COG5: variants seen among roughly 807,000 people sequenced by gnomAD.
COG5 encodes the protein conserved oligomeric Golgi complex subunit 5.
A neutral mutation model predicts 110.4 loss-of-function variants in COG5; 86 were observed. That is an observed-to-expected ratio of 0.78 (90% CI 0.65 to 0.93). The LOEUF is 0.93. Among genes scored for constraint, COG5 ranks in the 40% least tolerant of loss-of-function variants. The probability of loss-of-function intolerance (pLI) is 0.00; values close to 1 mark genes in which losing one functional copy is unlikely to be tolerated. For missense variants in COG5, 1,077 were observed against 987.0 expected (o/e 1.09, Z -1.22); for synonymous variants, 360 against 334.6 (o/e 1.08, Z -0.83).
chr7:107,430,569 T>C (rs1463294142), intron 6 of COG5, among the ~76,000 whole-genome samples: 3 of 152,234 alleles, frequency 2.0e-5, no homozygotes, highest in African/African-American at 2.4e-5. Context: ...CTATTCTTTT[T>C]AGAATTTGTT....
intron 6 of COG5, among the ~76,000 whole-genome samples, chr7:107,516,801 G>GCAA (rs1027531824): frequency 7.2e-5 from 11 of 152,152 alleles, no homozygotes; most frequent in South Asian, 2.1e-4. Context: ...CAAACAGAAA[G>GCAA]CAACAACAAC....
intron 6 of COG5, among the ~76,000 whole-genome samples, chr7:107,526,501 ATCT>A (rs1485054678): frequency 1.3e-5 from 2 of 152,356 alleles, no homozygotes; most frequent in East Asian, 1.9e-4. Context: ...AATTTTTAAA[ATCT>A]TCTAGGCATA....
intron 6 of COG5, among the ~76,000 whole-genome samples, chr7:107,486,986 A>T (rs1394857928): frequency 6.6e-6 from 1 of 152,188 alleles, no homozygotes; most frequent in Admixed American, 6.5e-5. Context: ...AGATAGATAA[A>T]AGTAAAATCA....
intron 6 of COG5, among the ~76,000 whole-genome samples, chr7:107,432,479 G>C (rs968970940): frequency 2.0e-5 from 3 of 152,050 alleles, no homozygotes; most frequent in Admixed American, 1.3e-4. Flanking sequence ...CATGAACTTA[G>C]GATACTGAAA....
intron 8 of COG5, among the ~76,000 whole-genome samples, chr7:107,371,419 A>G (rs951794662): frequency 3.3e-5 from 5 of 152,166 alleles, no homozygotes; most frequent in African/African-American, 1.2e-4. Flanking sequence ...GCAAAACTCC[A>G]TCTATATTTT....
At chr7:107,211,642 A>C (rs1277309121) in intron 19 of COG5, among the ~76,000 whole-genome samples, 1 of 152,254 alleles carries the variant, frequency 6.6e-6, no homozygotes, top group Non-Finnish European at 1.5e-5. Context: ...GACCATAATC[A>C]AATGTGGTAT....
At chr7:107,360,059 G>A (rs1264266620) in intron 10 of COG5, among the ~76,000 whole-genome samples, 2 of 152,148 alleles carry the variant, frequency 1.3e-5, no homozygotes, top group Non-Finnish European at 2.9e-5. Flanking sequence ...TGACCTGCCC[G>A]CAGGTATAAG....
At chr7:107,422,690 T>TAA (rs972014653) in intron 6 of COG5, among the ~76,000 whole-genome samples, 8 of 142,222 alleles carry the variant, frequency 5.6e-5, no homozygotes, top group African/African-American at 1.6e-4. Flanking sequence ...TAATGAAACT[T>TAA]AAAAAAAAAA....
chr7:107,414,863 G>T (rs112436976), intron 6 of COG5, among the ~76,000 whole-genome samples: 1 of 151,360 alleles, frequency 6.6e-6, no homozygotes, highest in Non-Finnish European at 1.5e-5. Context: ...GGGTAGCTGG[G>T]ACTACAAGTG....
At position 107,549,520 on chromosome 7, in the gene COG5, TGGCTGGGATTACA is replaced by T. The variant is rs1342439379; in HGVS notation, c.293-1201_293-1189del. 8.6e-5 allele frequency among the ~76,000 whole-genome samples: 13 copies of T among 151,780 alleles called. No individual in the cohort carries two copies. The South Asian group carries it at 1.3e-3, about 15-fold the overall frequency. On this transcript the variant is annotated intron_variant, in intron 3 of 21. Transcript: ENST00000297135. ...CATTCTCCAGCCTCAGCCTCCCGAG[TGGCTGGGATTACA>T]GGCGCCCACCACCACGCCCAGCTAA...
chr7:107,251,138 A>G (rs1221602381), intron 16 of COG5, among the ~76,000 whole-genome samples: 1 of 151,354 alleles, frequency 6.6e-6, no homozygotes, highest in Non-Finnish European at 1.5e-5. Context: ...CTAGCCAAAA[A>G]AAAAAAAAAA....
At chr7:107,268,679 G>A (rs1416916812) in intron 14 of COG5, among the ~76,000 whole-genome samples, 2 of 152,132 alleles carry the variant, frequency 1.3e-5, no homozygotes, top group East Asian at 3.9e-4. Flanking sequence ...GTCTTGTAAG[G>A]TGTATCATAA....
chr7:107,429,268 C>G (rs1446069193), intron 6 of COG5, among the ~76,000 whole-genome samples: 1 of 152,132 alleles, frequency 6.6e-6, no homozygotes, highest in Non-Finnish European at 1.5e-5. Flanking sequence ...ATGGATCTGA[C>G]AGCTCAGAGG....
intron 6 of COG5, among the ~76,000 whole-genome samples, chr7:107,465,636 C>G (rs142552719): frequency 1.3e-5 from 2 of 152,188 alleles, no homozygotes; most frequent in Admixed American, 1.3e-4. Context: ...AGAAACACTG[C>G]TGAATATACC....
intron 6 of COG5, among the ~76,000 whole-genome samples, chr7:107,454,634 A>G (rs1795549311): frequency 6.6e-6 from 1 of 152,208 alleles, no homozygotes; most frequent in African/African-American, 2.4e-5. Flanking sequence ...ATCATAAGAA[A>G]AATGAAGAAG....
rs183246369 is a variant in COG5, at chr7:107,348,228, T to C, written c.1026+13805A>G. ...ATACTGCTGCACTTCTGTGGTAATA[T>C]TGAAAATTTTTCAATATATATTCCT... On this transcript the variant is annotated intron_variant, in intron 10 of 21. Coordinates refer to ENST00000297135, the MANE Select transcript of COG5 (RefSeq NM_006348.5). 1.4e-3 allele frequency among the ~76,000 whole-genome samples: 214 copies of C among 152,032 alleles called. 1 individual carries two copies. The highest frequency in any genetic ancestry group is 4.7e-3 in the African/African-American group (195 of 41,516).
At chr7:107,217,624 G>A (rs1799616302) in intron 19 of COG5, among the ~76,000 whole-genome samples, 1 of 152,046 alleles carries the variant, frequency 6.6e-6, no homozygotes, top group South Asian at 2.1e-4. Flanking sequence ...CGTATCAGCA[G>A]AACAAAAGAC....
intron 12 of COG5, among the ~76,000 whole-genome samples, chr7:107,293,730 T>C (rs7785892): frequency 0.13 from 19,019 of 152,008 alleles, 1,532 homozygotes; most frequent in East Asian, 0.31. Flanking sequence ...TTTCTCTCCA[T>C]ATATAACTTC....
intron 6 of COG5, among the ~76,000 whole-genome samples, chr7:107,455,888 C>T (rs1461259888): frequency 1.3e-5 from 2 of 152,048 alleles, no homozygotes; most frequent in East Asian, 1.9e-4. Flanking sequence ...CTGCCTCCCG[C>T]GTTCAAGCGA....
Sources: gnomAD v4.1 joint callset for allele counts (sites outside exome capture counted in the v4.1 genomes callset) on GRCh38, gnomAD v4.1.1 for gene constraint, MANE v1.5 for transcripts, NCBI Gene and HGNC (gene_info 2026-07-23, HGNC 2026-07-21) for gene names.